PRKN: variants seen among roughly 807,000 people sequenced by gnomAD.
PRKN encodes the protein E3 ubiquitin-protein ligase parkin.
In PRKN, 56 loss-of-function variants were observed where a neutral mutation model predicts 59.5. The observed-to-expected ratio is 0.94, with a 90% CI of 0.76 to 1.18. The LOEUF (loss-of-function observed/expected upper bound fraction) is 1.18, where lower values mean the gene tolerates loss of function less well. PRKN is among the 50% of genes most tolerant of loss of function. The pLI is 0.00. For synonymous variants in PRKN, 250 were observed against 222.1 expected, an observed-to-expected ratio of 1.13 and a Z score of -1.12; for missense variants, 657 against 596.4, an observed-to-expected ratio of 1.10 and a Z score of -1.06.
At chr6:162,410,513 G>T (rs1366750570) in intron 2 of PRKN, among the ~76,000 whole-genome samples, 2 of 152,194 alleles carry the variant, frequency 1.3e-5, no homozygotes, top group African/African-American at 2.4e-5. Context: ...GAAAGCAAGG[G>T]CTGTGTCTGT....
chr6:161,559,864 T>A (rs1275680322), intron 8 of PRKN, among the ~76,000 whole-genome samples: 2 of 152,208 alleles, frequency 1.3e-5, no homozygotes, highest in African/African-American at 4.8e-5. Flanking sequence ...TTAGATGGCT[T>A]CATATTTATA....
chr6:162,502,297 AC>A (rs1344600256), intron 1 of PRKN, among the ~76,000 whole-genome samples: 1 of 152,130 alleles, frequency 6.6e-6, no homozygotes, highest in African/African-American at 2.4e-5. Context: ...AGTAGCTGAG[AC>A]CAGAGGTGTG....
chr6:161,370,791 G>A (rs567780280), intron 10 of PRKN, among the ~76,000 whole-genome samples: 1 of 152,178 alleles, frequency 6.6e-6, no homozygotes, highest in Non-Finnish European at 1.5e-5. Flanking sequence ...CCAAAAAAGA[G>A]CAGTTGTCAT....
rs1025949012 is a variant in PRKN, at chr6:161,402,033, A to C, written c.1084-15156T>G. ...TTCCCACATTATCCTCTCGATATGC[A>C]TCTCTGCCATGACTATCAGACAATG... is the stretch of plus-strand genomic sequence containing the variant. On this transcript the variant is annotated intron_variant, in intron 9 of 11. Transcript: ENST00000366898. This position sits in a 1 kb window ranked among gnomAD's most constrained non-coding sequence, Gnocchi z 4.5. 6.6e-6 allele frequency among the ~76,000 whole-genome samples: 1 copy of C among 152,162 alleles called. No individual in the cohort carries two copies. The highest frequency in any genetic ancestry group is 1.5e-5 in the Non-Finnish European group (1 of 68,026).
chr6:161,622,938 A>G (rs1476930277), intron 7 of PRKN, among the ~76,000 whole-genome samples: 1 of 152,232 alleles, frequency 6.6e-6, no homozygotes, highest in African/African-American at 2.4e-5. Flanking sequence ...CTTGTGGCTC[A>G]TCTGCGTTGC....
chr6:162,599,155 G>T lies in PRKN; in HGVS notation c.7+128507C>A, dbSNP rs554272697. 2.6e-5 allele frequency among the ~76,000 whole-genome samples: 4 copies of T among 152,160 alleles called. No individual in the cohort carries two copies. The East Asian group carries it at 7.7e-4, about 29-fold the overall frequency. ...CTGCTACAAAACACCAGAAAAGCTG[G>T]CTCGGTGATAAGAAGCATTTTCAAA... On this transcript the variant is annotated intron_variant, in intron 1 of 11. Transcript: ENST00000366898.
rs150972307 is a variant in PRKN, at chr6:161,423,771, C to T, written c.1084-36894G>A. On this transcript the variant is annotated intron_variant, in intron 9 of 11. Transcript: ENST00000366898. The surrounding 1 kb of genome is among the most constrained non-coding windows in gnomAD (Gnocchi z 5.9). ...ACACACAACCACTATCATCTTTCTC[C>T]ACCATTTGTCTAGAAGAGGGAGGGG... Among the ~76,000 whole-genome samples the T allele has an allele frequency of 2.0e-5, 3 of 152,318 alleles. No individual in the cohort carries two copies. Among genetic ancestry groups the T allele is most frequent in the East Asian group, 3.9e-4 (2 of 5,190 alleles).
intron 6 of PRKN, among the ~76,000 whole-genome samples, chr6:161,949,353 A>C (rs1278821752): frequency 2.0e-5 from 3 of 152,098 alleles, no homozygotes; most frequent in Non-Finnish European, 4.4e-5. Context: ...TCTACTAAAA[A>C]CACAAAAATT....
chr6:162,659,810 C>T lies in PRKN; in HGVS notation c.7+67852G>A, dbSNP rs1013085408. The stretch of plus-strand genomic sequence containing the variant: ...TGGAAAATGAAAAGTAATATACTTT[C>T]GTAAAATGATAGAACCATGAAAGTT... On this transcript the variant is annotated intron_variant, in intron 1 of 11. Coordinates refer to ENST00000366898, the MANE Select transcript of PRKN (RefSeq NM_004562.3). Among the ~76,000 whole-genome samples the T allele has an allele frequency of 2.2e-4, 33 of 152,168 alleles. 5 individuals carry two copies. The highest frequency in any genetic ancestry group is 1.2e-3 in the Admixed American group (19 of 15,294).
At chr6:162,487,029 C>A (rs1562323194) in intron 1 of PRKN, among the ~76,000 whole-genome samples, 1 of 151,888 alleles carries the variant, frequency 6.6e-6, no homozygotes, top group East Asian at 1.9e-4. Context: ...AAGATCGCAC[C>A]ATTGCACTCC....
intron 2 of PRKN, among the ~76,000 whole-genome samples, chr6:162,360,751 CTA>C (rs1269810592): frequency 6.6e-6 from 1 of 152,172 alleles, no homozygotes. Flanking sequence ...CTCATTACTT[CTA>C]TGTTTCCGTG....
chr6:162,583,861 T>C (rs1780889816), intron 1 of PRKN, among the ~76,000 whole-genome samples: 1 of 152,134 alleles, frequency 6.6e-6, no homozygotes, highest in South Asian at 2.1e-4. Context: ...CTCTGAAACC[T>C]TTGGAAATCT....
chr6:161,765,294 T>C (rs934279105), intron 7 of PRKN, among the ~76,000 whole-genome samples: 5 of 152,332 alleles, frequency 3.3e-5, no homozygotes, highest in African/African-American at 7.2e-5. Context: ...CCGGGTTTTC[T>C]AAATCATTCG....
intron 4 of PRKN, among the ~76,000 whole-genome samples, chr6:162,124,121 C>G (rs576073848): frequency 6.6e-6 from 1 of 152,048 alleles, no homozygotes; most frequent in African/African-American, 2.4e-5. Context: ...GGAGAACTAG[C>G]CTCATCATGC....
rs186363011 is a variant in PRKN, at chr6:161,464,096, C to T, written c.1084-77219G>A. Among the ~76,000 whole-genome samples the T allele has an allele frequency of 2.6e-4, 39 of 152,298 alleles. No individual in the cohort carries two copies. In the East Asian group the frequency reaches 7.1e-3, roughly 28 times the overall value. ...ATGGTGCAATCTTGGCTTACCACAA[C>T]ATCCGCCTCCTGGGTTCAAGAGATT... On this transcript the variant is annotated intron_variant, in intron 9 of 11. Coordinates refer to ENST00000366898, the MANE Select transcript of PRKN (RefSeq NM_004562.3).
chr6:161,637,633 T>C (rs75358104), intron 7 of PRKN, among the ~76,000 whole-genome samples: 3,705 of 151,980 alleles, frequency 0.024, 150 homozygotes, highest in African/African-American at 0.086. Context: ...CTCTAAAGAA[T>C]TGCTTAAAAG....
At chr6:162,118,061 A>T (rs774005831) in intron 4 of PRKN, among the ~76,000 whole-genome samples, 1 of 151,890 alleles carries the variant, frequency 6.6e-6, no homozygotes, top group Non-Finnish European at 1.5e-5. Flanking sequence ...ACGCTGTTGC[A>T]CTCCAGTCTG....
intron 1 of PRKN, among the ~76,000 whole-genome samples, chr6:162,709,621 T>C (rs1038571032): frequency 6.6e-6 from 1 of 152,200 alleles, no homozygotes; most frequent in Non-Finnish European, 1.5e-5. Context: ...TGCTGCTTAT[T>C]GTGCCAAGGG....
chr6:162,065,412 T>C (rs1309870818), intron 4 of PRKN, among the ~76,000 whole-genome samples: 1 of 152,190 alleles, frequency 6.6e-6, no homozygotes, highest in Non-Finnish European at 1.5e-5. Flanking sequence ...TGGTTTGCTT[T>C]GTTCTAGCCA....
Sources: gnomAD v4.1 joint callset for allele counts (sites outside exome capture counted in the v4.1 genomes callset) on GRCh38, gnomAD v4.1.1 for gene constraint, Gnocchi (gnomAD v3.1) non-coding constraint, MANE v1.5 for transcripts, NCBI Gene and HGNC (gene_info 2026-07-23, HGNC 2026-07-21) for gene names.